PCDHGA3: variants seen among roughly 807,000 people sequenced by gnomAD.
PCDHGA3 encodes protocadherin gamma subfamily A, 3.
PCDHGA3 carries 40 observed loss-of-function variants against 58.5 expected under a neutral mutation model. That is an observed-to-expected ratio of 0.68 (90% CI 0.53 to 0.89). The LOEUF (loss-of-function observed/expected upper bound fraction) is 0.89. Ranked by LOEUF, PCDHGA3 falls within the 40% of genes least tolerant of loss-of-function variation. The probability of loss-of-function intolerance (pLI) is 0.00; values close to 1 mark genes in which losing one functional copy is unlikely to be tolerated. For missense variants in PCDHGA3, 1,223 were observed against 1,195.9 expected (o/e 1.02, Z -0.33); for synonymous variants, 530 against 525.7 (o/e 1.01, Z -0.11).
At position 141,474,199 on chromosome 5, in the gene PCDHGA3, G is replaced by C. The variant is rs74540928; in HGVS notation, c.2425-20608G>C. Reference sequence around the variant, plus strand: ...AAAACTACTTACATTTTTAAAAGCTGATTTTCAAAAACCAGATTGTGAATT... The same window carrying C: ...AAAACTACTTACATTTTTAAAAGCTCATTTTCAAAAACCAGATTGTGAATT... On this transcript the variant is annotated intron_variant, in intron 1 of 3. Transcript: ENST00000253812. Among the ~76,000 whole-genome samples, 85 of 152,308 alleles carry C rather than the reference G, an allele frequency of 5.6e-4. 1 individual carries two copies. In the East Asian group the frequency reaches 0.016, roughly 29 times the overall value.
At chr5:141,483,534 G>C (rs754118568) in intron 1 of PCDHGA3, among the ~76,000 whole-genome samples, 1 of 152,102 alleles carries the variant, frequency 6.6e-6, no homozygotes, top group Non-Finnish European at 1.5e-5. Flanking sequence ...AAGGAAGCTG[G>C]GTGGTTGACA....
chr5:141,361,541 C>CCA (rs1554077800), intron 1 of PCDHGA3: 4 of 1,613,956 alleles, frequency 2.5e-6, no homozygotes, highest in Non-Finnish European at 1.7e-6. Context: ...CCTCCTGGCG[C>CCA]CTCTATCGCT....
rs1261001131 is a variant in PCDHGA3 at position 141,345,480 on chromosome 5, A to C, written c.1447A>C (p.Asn483His). The C allele has an allele frequency of 3.7e-6, 6 of 1,613,926 alleles. No individual in the cohort carries two copies. The highest frequency in any genetic ancestry group is 2.2e-5 in the East Asian group (1 of 44,884). Reference protein sequence around the residue: ...SVTAQDPDSNNNARITYALTE... With the variant: ...SVTAQDPDSNHNARITYALTE... ...GACAGCCCAGGACCCAGATAGCAAC[A>C]ACAACGCCCGCATCACTTATGCATT... The change falls in exon 1 of 4, where the codon AAC becomes CAC. Residue 483 changes from asparagine to histidine, a missense_variant. Physicochemically the swap from Asn to His is moderately conservative, Grantham distance 68. Around this residue, in one of 3 missense-constraint regions of PCDHGA3, gnomAD observed 791 missense variants for 708.5 expected, o/e 1.12. Coordinates refer to ENST00000253812, the MANE Select transcript of PCDHGA3 (RefSeq NM_018916.4).
intron 1 of PCDHGA3, chr5:141,378,235 G>C (rs1774737741): frequency 6.6e-6 from 1 of 152,228 alleles, no homozygotes; most frequent in Non-Finnish European, 1.5e-5. Context: ...GTATTTAAGA[G>C]TGAAAATGGC....
chr5:141,354,500 G>A (rs976019279), intron 1 of PCDHGA3, among the ~76,000 whole-genome samples: 1 of 152,218 alleles, frequency 6.6e-6, no homozygotes, highest in Non-Finnish European at 1.5e-5. Context: ...CAGTAGGTGA[G>A]TTTTTTGCAA....
In PCDHGA3 at chr5:141,490,363, C is replaced by G; in HGVS notation, c.2425-4444C>G. 3 of 1,614,154 alleles carry G rather than the reference C, an allele frequency of 1.9e-6. No homozygotes were observed. Among genetic ancestry groups the G allele is most frequent in the Non-Finnish European group, 2.5e-6 (3 of 1,180,032 alleles). On this transcript the variant is annotated intron_variant, in intron 1 of 3. Transcript: ENST00000253812. This position sits in a 1 kb window ranked among gnomAD's most constrained non-coding sequence, Gnocchi z 5.4. ...CACAGTAGTGGGGTTGTTTAATGTGCGAGACCGGGACTCAGGTAGAAATGG... is the reference window on the plus strand; with the variant it reads ...CACAGTAGTGGGGTTGTTTAATGTGGGAGACCGGGACTCAGGTAGAAATGG...
At position 141,484,932 on chromosome 5, in the gene PCDHGA3, C is replaced by T. The variant is rs1594431677; in HGVS notation, c.2425-9875C>T. On this transcript the variant is annotated intron_variant, in intron 1 of 3. Coordinates refer to ENST00000253812, the MANE Select transcript of PCDHGA3 (RefSeq NM_018916.4). ...CGCATTAACCCTGCTGCTGTTGGGA[C>T]GTTCTCTGCTCAGCCTATTGGCTGA... 1.2e-5 allele frequency: 6 copies of T among 501,356 alleles called. No individual in the cohort carries two copies. The East Asian group carries it at 1.4e-4, about 12-fold the overall frequency. 31.1% of individuals were successfully genotyped at this position (501,356 alleles called of 1,614,324 possible).
chr5:141,429,672 A>G (rs1036863132), intron 1 of PCDHGA3, among the ~76,000 whole-genome samples: 1 of 152,210 alleles, frequency 6.6e-6, no homozygotes, highest in African/African-American at 2.4e-5. Context: ...ATATTATTTT[A>G]TTTTATGCCT....
chr5:141,421,265 T>G (rs2154549151), intron 1 of PCDHGA3: 1 of 1,596,914 alleles, frequency 6.3e-7, no homozygotes, highest in Non-Finnish European at 8.5e-7. Flanking sequence ...CGCAGTCGGC[T>G]GCTGCTGCTG....
chr5:141,462,372 C>A (rs2099038225), intron 1 of PCDHGA3, among the ~76,000 whole-genome samples: 1 of 152,096 alleles, frequency 6.6e-6, no homozygotes, highest in African/African-American at 2.4e-5. Flanking sequence ...AGTTTCTATT[C>A]TTTTAAATTC....
intron 1 of PCDHGA3, chr5:141,404,287 C>T: frequency 6.2e-7 from 1 of 1,613,976 alleles, no homozygotes; most frequent in Non-Finnish European, 8.5e-7. Context: ...TGACTGACAT[C>T]AATGATAATC....
At chr5:141,365,297 G>A (rs538677777) in intron 1 of PCDHGA3, 3 of 1,614,014 alleles carry the variant, frequency 1.9e-6, no homozygotes, top group East Asian at 4.5e-5. Context: ...GGTAGCTCAG[G>A]ATGGAGGCGC....
chr5:141,409,848 G>C (rs149920059), intron 1 of PCDHGA3: 7 of 1,611,904 alleles, frequency 4.3e-6, no homozygotes, highest in Non-Finnish European at 5.9e-6. Context: ...GTGAGCCTGC[G>C]CGTGTTGGTG....
rs564226347 is a variant in PCDHGA3 at position 141,361,741 on chromosome 5, G to C, written c.2424+15284G>C. ...CTTCGAGCTCACACTGCAGGCCCGC[G>C]ACCAGGGCTCGCCCGCGCTCAGCGC... On this transcript the variant is annotated intron_variant, in intron 1 of 3. Coordinates refer to ENST00000253812, the MANE Select transcript of PCDHGA3 (RefSeq NM_018916.4). The C allele has an allele frequency of 2.5e-5, 40 of 1,613,146 alleles. No homozygotes were observed. The South Asian group carries it at 4.0e-4, about 16-fold the overall frequency.
intron 1 of PCDHGA3, chr5:141,396,168 T>C (rs2093349513): frequency 2.0e-5 from 3 of 152,184 alleles, no homozygotes; most frequent in Admixed American, 2.0e-4. Flanking sequence ...AGTTATTCAG[T>C]CTTGGCTGGA....
chr5:141,347,139 CTT>C (rs1383225800), intron 1 of PCDHGA3, among the ~76,000 whole-genome samples: 10 of 89,090 alleles, frequency 1.1e-4, no homozygotes, highest in East Asian at 6.6e-4. Flanking sequence ...CTGTTTCTCT[CTT>C]TCTTTCTTTC....
chr5:141,408,873 CCACCG>C (rs776180805), intron 1 of PCDHGA3: 50 of 1,613,104 alleles, frequency 3.1e-5, no homozygotes, highest in Non-Finnish European at 4.1e-5. Context: ...CCAAGAAGTG[CCACCG>C]CTCACATAGA....
chr5:141,393,115 GGT>G (rs1236382706), intron 1 of PCDHGA3: 1 of 1,613,438 alleles, frequency 6.2e-7, no homozygotes, highest in Non-Finnish European at 8.5e-7. Flanking sequence ...CAGAGCCCGC[GGT>G]GTCTGATAAA....
chr5:141,389,157 C>T lies in PCDHGA3; in HGVS notation c.2424+42700C>T, dbSNP rs192156139. The T allele has an allele frequency of 2.5e-6, 4 of 1,613,976 alleles. No homozygotes were observed. The East Asian group carries it at 6.7e-5, about 27-fold the overall frequency. ...CAATATAACCGTTACGGCAACAGAT[C>T]GGGGCAAGCCTCCCCTCTCCTCCAG... is the stretch of plus-strand genomic sequence containing the variant. On this transcript the variant is annotated intron_variant, in intron 1 of 3. Coordinates refer to ENST00000253812, the MANE Select transcript of PCDHGA3 (RefSeq NM_018916.4).
Sources: allele counts gnomAD v4.1 joint callset (sites outside exome capture counted in the v4.1 genomes callset), GRCh38; gene constraint gnomAD v4.1.1; regional missense constraint gnomAD v4.1.1; non-coding constraint Gnocchi (gnomAD v3.1); transcripts MANE v1.5; gene names NCBI Gene and HGNC (gene_info 2026-07-23, HGNC 2026-07-21).